Variants in TRPC4 observed in about 807,000 individuals in gnomAD.
TRPC4 encodes the protein short transient receptor potential channel 4.
A neutral mutation model predicts 99.4 loss-of-function variants in TRPC4; 49 were observed. The ratio of observed to expected loss-of-function variants is 0.49; its 90% CI spans 0.39 to 0.63. The LOEUF (loss-of-function observed/expected upper bound fraction) is 0.63. Ranked by LOEUF, TRPC4 falls within the 20% of genes least tolerant of loss-of-function variation. The probability of loss-of-function intolerance (pLI) is 0.00; values close to 1 mark genes in which losing one functional copy is unlikely to be tolerated. For synonymous variants in TRPC4, 454 were observed against 425.9 expected (o/e 1.07, Z -0.81); for missense variants, 898 against 1,152.9 (o/e 0.78, Z 3.20).
At chr13:37,765,938 A>C (rs934429888) in intron 2 of TRPC4, among the ~76,000 whole-genome samples, 1 of 151,154 alleles carries the variant, frequency 6.6e-6, no homozygotes, top group Admixed American at 6.6e-5. Flanking sequence ...AAATAAAAAC[A>C]AGTCCTTTAG....
At position 37,761,107 on chromosome 13, in the gene TRPC4, C is replaced by T. The variant is rs151313316; in HGVS notation, c.379-14652G>A. Among the ~76,000 whole-genome samples, 1,417 of 152,000 alleles carry T rather than the reference C, an allele frequency of 9.3e-3. 15 individuals carry two copies. The highest frequency in any genetic ancestry group is 0.016 in the Non-Finnish European group (1,076 of 67,904). Reference sequence around the variant, plus strand: ...ATGAACAAGGATCTGGCTAAAACTACTTCAATTAATTGATGTTGTAAGTGC... The same window carrying T: ...ATGAACAAGGATCTGGCTAAAACTATTTCAATTAATTGATGTTGTAAGTGC... On this transcript the variant is annotated intron_variant, in intron 2 of 10. Coordinates refer to ENST00000379705, the MANE Select transcript of TRPC4 (RefSeq NM_016179.4).
At chr13:37,801,871 C>T (rs1057140939) in intron 1 of TRPC4, among the ~76,000 whole-genome samples, 35 of 152,046 alleles carry the variant, frequency 2.3e-4, no homozygotes, top group African/African-American at 8.2e-4. Flanking sequence ...GAACAAAAAT[C>T]GAAGGTCATT....
At chr13:37,782,923 A>G (rs755691783) in intron 2 of TRPC4, 33 bp downstream of exon 2, 2 of 1,431,540 alleles carry the variant, frequency 1.4e-6, no homozygotes, top group Non-Finnish European at 1.8e-6. Flanking sequence ...TTCTGCAGGT[A>G]AAATAAATTA....
intron 1 of TRPC4, among the ~76,000 whole-genome samples, chr13:37,803,520 C>A (rs1370449137): frequency 6.6e-6 from 1 of 151,964 alleles, no homozygotes; most frequent in Non-Finnish European, 1.5e-5. Context: ...AACATATAAA[C>A]AATTCATGTT....
chr13:37,847,204 T>C (rs1958931129), intron 1 of TRPC4, among the ~76,000 whole-genome samples: 1 of 152,018 alleles, frequency 6.6e-6, no homozygotes, highest in Admixed American at 6.6e-5. Context: ...GACAGAAATA[T>C]CTACAATATT....
intron 3 of TRPC4, among the ~76,000 whole-genome samples, chr13:37,728,109 GC>G (rs1347239542): frequency 6.6e-6 from 1 of 151,746 alleles, no homozygotes; most frequent in African/African-American, 2.4e-5. Context: ...AAGACTAAAA[GC>G]TTTTTCTCTA....
At chr13:37,866,341 C>T (rs1287755056) in intron 1 of TRPC4, among the ~76,000 whole-genome samples, 1 of 151,658 alleles carries the variant, frequency 6.6e-6, no homozygotes, top group African/African-American at 2.4e-5. Context: ...TAGGATATTA[C>T]ATACAGTTTA....
chr13:37,728,656 AT>A (rs1033323774), intron 3 of TRPC4, among the ~76,000 whole-genome samples: 2 of 152,186 alleles, frequency 1.3e-5, no homozygotes, highest in South Asian at 4.1e-4. Context: ...GCCCAGTGAT[AT>A]TTTTTGTAGA....
At chr13:37,847,427 A>T (rs1958935584) in intron 1 of TRPC4, among the ~76,000 whole-genome samples, 1 of 152,142 alleles carries the variant, frequency 6.6e-6, no homozygotes. Context: ...ATTGGACAAC[A>T]TGCTCCTAAA....
chr13:37,681,012 G>A (rs557424847), intron 4 of TRPC4, among the ~76,000 whole-genome samples: 7 of 152,266 alleles, frequency 4.6e-5, no homozygotes, highest in African/African-American at 1.2e-4. Context: ...AACAGTCATC[G>A]AAATAGCGAA....
chr13:37,770,398 A>G (rs935596502), intron 2 of TRPC4, among the ~76,000 whole-genome samples: 2 of 151,580 alleles, frequency 1.3e-5, no homozygotes, highest in Non-Finnish European at 3.0e-5. Context: ...AAGGTTAGAC[A>G]TTGATTCTGC....
intron 3 of TRPC4, among the ~76,000 whole-genome samples, chr13:37,727,331 C>T (rs879607430): frequency 2.0e-5 from 3 of 151,398 alleles, no homozygotes; most frequent in Non-Finnish European, 4.4e-5. Flanking sequence ...TTTTAACCAA[C>T]GGATCAAAGA....
At chr13:37,790,029 A>G (rs1251935699) in intron 1 of TRPC4, among the ~76,000 whole-genome samples, 1 of 152,110 alleles carries the variant, frequency 6.6e-6, no homozygotes, top group East Asian at 1.9e-4. Flanking sequence ...ATAGGAGAAA[A>G]ACTTAGGAAT....
intron 1 of TRPC4, among the ~76,000 whole-genome samples, chr13:37,808,680 A>T (rs191427587): frequency 6.6e-6 from 1 of 152,168 alleles, no homozygotes; most frequent in Admixed American, 6.6e-5. Context: ...AAGTAAGGGA[A>T]ATACAAAGGG....
In TRPC4 at chr13:37,842,372, G is replaced by GAAAAAAAAA. The variant is rs1566216069; in HGVS notation, c.-28+27222_-28+27223insTTTTTTTTT. 3.7e-4 allele frequency among the ~76,000 whole-genome samples: 27 copies of GAAAAAAAAA among 72,062 alleles called. 2 individuals are homozygous for GAAAAAAAAA. Among genetic ancestry groups the GAAAAAAAAA allele is most frequent in the African/African-American group, 5.3e-4 (10 of 18,872 alleles). 47.3% of individuals were successfully genotyped at this position (72,062 alleles called of 152,430 possible). A position where few individuals can be genotyped will look rare whatever the true frequency, so the allele number is the denominator to read the frequency against. ...AAAAAAAAAAAAAAAAAAAAAAAAG[G>GAAAAAAAAA]AAAAGGAAAAGTATAAATCGGGGGC... On this transcript the variant is annotated intron_variant, in intron 1 of 10. Coordinates refer to ENST00000379705, the MANE Select transcript of TRPC4 (RefSeq NM_016179.4).
At chr13:37,701,599 G>C (rs1262536354) in intron 3 of TRPC4, among the ~76,000 whole-genome samples, 2 of 151,984 alleles carry the variant, frequency 1.3e-5, no homozygotes, top group African/African-American at 4.8e-5. Context: ...AGCTTCCTGA[G>C]AAAATGCACA....
chr13:37,831,738 T>C (rs149499687), intron 1 of TRPC4, among the ~76,000 whole-genome samples: 36 of 152,326 alleles, frequency 2.4e-4, no homozygotes, highest in Non-Finnish European at 4.4e-4. Flanking sequence ...TGTGACAACA[T>C]AGATGTATAT....
intron 1 of TRPC4, among the ~76,000 whole-genome samples, chr13:37,865,806 C>G (rs1959705112): frequency 6.6e-6 from 1 of 151,696 alleles, no homozygotes; most frequent in Non-Finnish European, 1.5e-5. Context: ...CAAATCCTGC[C>G]TTCCCACAAA....
At chr13:37,803,756 A>G (rs542811599) in intron 1 of TRPC4, among the ~76,000 whole-genome samples, 55 of 152,162 alleles carry the variant, frequency 3.6e-4, no homozygotes, top group African/African-American at 1.3e-3. Context: ...AGGGATCTGA[A>G]TGCTGAAATG....
Sources: allele counts gnomAD v4.1 joint callset (sites outside exome capture counted in the v4.1 genomes callset), GRCh38; gene constraint gnomAD v4.1.1; transcripts MANE v1.5; gene names NCBI Gene and HGNC (gene_info 2026-07-23, HGNC 2026-07-21).